Variants in CHRM3 observed in about 807,000 individuals in gnomAD.
CHRM3 encodes muscarinic acetylcholine receptor M3.
In CHRM3, 11 loss-of-function variants were observed where a neutral mutation model predicts 41.8. The ratio of observed to expected loss-of-function variants is 0.26; its 90% CI spans 0.17 to 0.44. CHRM3 has a LOEUF of 0.44. Ranked by LOEUF, CHRM3 falls within the 20% of genes least tolerant of loss-of-function variation. The probability of loss-of-function intolerance (pLI) is 1.00; values close to 1 mark genes in which losing one functional copy is unlikely to be tolerated. For missense variants in CHRM3, 571 were observed against 745.4 expected (o/e 0.77, Z 2.72); for synonymous variants, 297 against 301.4 (o/e 0.99, Z 0.15).
intron 4 of CHRM3, among the ~76,000 whole-genome samples, chr1:239,643,460 G>T (rs1369066492): frequency 6.6e-6 from 1 of 152,248 alleles, no homozygotes; most frequent in Non-Finnish European, 1.5e-5. Context: ...ACCTAAGCAA[G>T]CCTGGGCAAT....
chr1:239,840,391 G>A (rs1484481134), intron 6 of CHRM3, among the ~76,000 whole-genome samples: 2 of 152,148 alleles, frequency 1.3e-5, no homozygotes, highest in African/African-American at 2.4e-5. Flanking sequence ...CATTGATTTT[G>A]TATTCTTAAT....
At chr1:239,813,202 C>G (rs1000194073) in intron 5 of CHRM3, among the ~76,000 whole-genome samples, 2 of 152,128 alleles carry the variant, frequency 1.3e-5, no homozygotes, top group Non-Finnish European at 2.9e-5. Flanking sequence ...CGCTTGAACC[C>G]GGGAGGCAGA....
At chr1:239,714,929 G>A (rs2148264695) in intron 5 of CHRM3, among the ~76,000 whole-genome samples, 1 of 152,216 alleles carries the variant, frequency 6.6e-6, no homozygotes. Context: ...TTTGCCAATA[G>A]TTTAAGCTGA....
intron 6 of CHRM3, among the ~76,000 whole-genome samples, chr1:239,894,764 C>A (rs1678855450): frequency 6.6e-6 from 1 of 152,034 alleles, no homozygotes; most frequent in Admixed American, 6.6e-5. Context: ...GCTTAACCCA[C>A]CAACAACTGT....
intron 6 of CHRM3, among the ~76,000 whole-genome samples, chr1:239,834,432 C>T (rs1673147652): frequency 6.6e-6 from 1 of 151,358 alleles, no homozygotes; most frequent in Admixed American, 6.6e-5. Context: ...CCTGCCTCAG[C>T]TTCCCAAACT....
intron 5 of CHRM3, among the ~76,000 whole-genome samples, chr1:239,766,672 T>TATATAGATATAGATATAG (rs71166890): frequency 0.017 from 2,467 of 145,606 alleles, 58 homozygotes; most frequent in East Asian, 0.073. Context: ...TGGATATAGA[T>TATATAGATATAGATATAG]ATATAGATAT....
chr1:239,782,668 T>C (rs979434385), intron 5 of CHRM3, among the ~76,000 whole-genome samples: 5 of 152,076 alleles, frequency 3.3e-5, no homozygotes, highest in African/African-American at 1.2e-4. Flanking sequence ...TTGGAATTGA[T>C]TTGCTCCTTT....
At chr1:239,410,533 G>A (rs571209937) in intron 1 of CHRM3, among the ~76,000 whole-genome samples, 1 of 152,076 alleles carries the variant, frequency 6.6e-6, no homozygotes, top group Non-Finnish European at 1.5e-5. Context: ...CATTTCCCAG[G>A]GCAGAAGACA....
Position 239,908,687 on chromosome 1 carries a change from G to T in CHRM3, c.1236G>T (p.Lys412Asn), listed in dbSNP as rs1007638498. ...ERKADKLQAQ[K>N]SVDDGGSFPK... is the part of the protein sequence containing the mutation. ...AAGCCGACAAGCTGCAGGCCCAGAA[G>T]AGCGTGGACGATGGAGGCAGTTTTC... is the stretch of plus-strand genomic sequence containing the variant. Residue 412 changes from lysine (K) to asparagine (N), a missense_variant, in exon 7 of 7, where the codon AAG becomes AAT. Physicochemically the swap from Lys to Asn is moderately conservative, Grantham distance 94 (BLOSUM62 0). Transcript: ENST00000676153. This position sits in a 1 kb window ranked among gnomAD's most constrained non-coding sequence, Gnocchi z 7.2. 1.2e-6 allele frequency: 2 copies of T among 1,613,002 alleles called. No homozygotes were observed. The highest frequency in any genetic ancestry group is 1.7e-6 in the Non-Finnish European group (2 of 1,179,536).
chr1:239,505,907 G>A (rs1006655135), intron 2 of CHRM3, among the ~76,000 whole-genome samples: 1 of 152,148 alleles, frequency 6.6e-6, no homozygotes, highest in African/African-American at 2.4e-5. Flanking sequence ...AGCAACTAGA[G>A]CAAAGGTGAC....
chr1:239,859,129 A>C (rs952864894), intron 6 of CHRM3, among the ~76,000 whole-genome samples: 5 of 152,224 alleles, frequency 3.3e-5, no homozygotes, highest in Non-Finnish European at 7.3e-5. Context: ...TTACTGGGTC[A>C]TGTGGTAATT....
intron 2 of CHRM3, among the ~76,000 whole-genome samples, chr1:239,529,792 A>T (rs184255223): frequency 7.9e-5 from 12 of 152,284 alleles, no homozygotes; most frequent in African/African-American, 2.9e-4. Context: ...ATGCAGGTTC[A>T]GTGCCTGCTT....
At chr1:239,690,616 A>G (rs922052960) in intron 5 of CHRM3, among the ~76,000 whole-genome samples, 54 of 152,052 alleles carry the variant, frequency 3.6e-4, no homozygotes, top group African/African-American at 1.2e-3. Context: ...TTTAACACAA[A>G]TTACTTTCTC....
chr1:239,668,031 C>CT lies in CHRM3; in HGVS notation c.-249-10154dup, dbSNP rs759087384. Among the ~76,000 whole-genome samples, 194 of 140,812 alleles carry CT rather than the reference C, an allele frequency of 1.4e-3. 1 individual carries two copies. Among genetic ancestry groups the CT allele is most frequent in the Middle Eastern group, 3.8e-3 (1 of 260 alleles). 92.4% of individuals were successfully genotyped at this position (140,812 alleles called of 152,430 possible). A position where few individuals can be genotyped will look rare whatever the true frequency, so the allele number is the denominator to read the frequency against. ...GAATTCACTACTACTTAAAAGTGTT[C>CT]TCTTTTTTTTATCACTTAAGGTCAA... On this transcript the variant is annotated intron_variant, in intron 4 of 6. Coordinates refer to ENST00000676153, the MANE Select transcript of CHRM3 (RefSeq NM_001375978.1).
chr1:239,520,242 G>C (rs919079580), intron 2 of CHRM3, among the ~76,000 whole-genome samples: 1 of 152,140 alleles, frequency 6.6e-6, no homozygotes, highest in Non-Finnish European at 1.5e-5. Flanking sequence ...GATGTCATAA[G>C]TACTCCAGTA....
intron 1 of CHRM3, among the ~76,000 whole-genome samples, chr1:239,477,777 T>A (rs1242400251): frequency 6.6e-6 from 1 of 152,096 alleles, no homozygotes; most frequent in Non-Finnish European, 1.5e-5. Flanking sequence ...AAACTTTAGG[T>A]CTTCACTGAG....
At chr1:239,658,404 G>A (rs1243948665) in intron 4 of CHRM3, among the ~76,000 whole-genome samples, 1 of 152,196 alleles carries the variant, frequency 6.6e-6, no homozygotes, top group Admixed American at 6.5e-5. Flanking sequence ...AGATTGATTT[G>A]TGATACCTGC....
chr1:239,710,277 A>G (rs910860352), intron 5 of CHRM3, among the ~76,000 whole-genome samples: 1 of 152,190 alleles, frequency 6.6e-6, no homozygotes, highest in Non-Finnish European at 1.5e-5. Context: ...ATACCCATAT[A>G]TATGTGTTTG....
intron 3 of CHRM3, among the ~76,000 whole-genome samples, chr1:239,557,543 G>A (rs1660477818): frequency 6.6e-6 from 1 of 152,086 alleles, no homozygotes; most frequent in Non-Finnish European, 1.5e-5. Context: ...ATGGGTAAAT[G>A]CGTGGCATGG....
Sources: allele counts gnomAD v4.1 joint callset (sites outside exome capture counted in the v4.1 genomes callset), GRCh38; gene constraint gnomAD v4.1.1; non-coding constraint Gnocchi (gnomAD v3.1); transcripts MANE v1.5; gene names NCBI Gene and HGNC (gene_info 2026-07-23, HGNC 2026-07-21).